TLCD4: variants seen among roughly 807,000 people sequenced by gnomAD.
TLCD4 encodes the protein TLC domain containing 4.
A neutral mutation model predicts 24.2 loss-of-function variants in TLCD4; 7 were observed. The observed-to-expected ratio is 0.29, with a 90% confidence interval of 0.16 to 0.54. TLCD4 has a LOEUF of 0.54. Among genes scored for constraint, TLCD4 ranks in the 20% least tolerant of loss-of-function variants. The pLI is 0.95. For synonymous variants in TLCD4, 103 were observed against 106.4 expected, an observed-to-expected ratio of 0.97 and a Z score of 0.20; for missense variants, 259 against 313.9, an observed-to-expected ratio of 0.82 and a Z score of 1.32.
At chr1:95,138,578 C>T (rs1677109271) in intron 1 of TLCD4, 1 of 152,150 alleles carries the variant, frequency 6.6e-6, no homozygotes, top group Non-Finnish European at 1.5e-5. Flanking sequence ...ATGACATAAC[C>T]TGTTGCTCCT....
intron 5 of TLCD4, among the ~76,000 whole-genome samples, chr1:95,161,035 A>T (rs983565069): frequency 1.3e-5 from 2 of 152,116 alleles, no homozygotes; most frequent in African/African-American, 4.8e-5. Context: ...GTTAGAGAGG[A>T]TTCCCTCTTT....
chr1:95,135,676 G>T (rs1677022333), intron 1 of TLCD4, among the ~76,000 whole-genome samples: 1 of 152,022 alleles, frequency 6.6e-6, no homozygotes. Flanking sequence ...GAGATTACAG[G>T]TGTGAGCTAC....
At chr1:95,162,041 A>G (rs1414297086) in intron 5 of TLCD4, among the ~76,000 whole-genome samples, 1 of 152,096 alleles carries the variant, frequency 6.6e-6, no homozygotes, top group Admixed American at 6.6e-5. Context: ...GCTGAGTTCA[A>G]TTCCTGGATA....
Position 95,133,021 on chromosome 1 carries a change from A to G in TLCD4, c.-11-10870A>G, listed in dbSNP as rs78760470. On this transcript the variant is annotated intron_variant, in intron 1 of 6. Coordinates refer to ENST00000370203, the MANE Select transcript of TLCD4 (RefSeq NM_152487.3). The stretch of plus-strand genomic sequence containing the variant: ...CAGATGAGAAATGATGACAGAATAC[A>G]GGCAAATATTTCTAGAACTTTGTCT... 2.2e-3 allele frequency among the ~76,000 whole-genome samples: 342 copies of G among 152,354 alleles called. 3 individuals are homozygous for G. In the East Asian group the frequency reaches 0.042, roughly 19 times the overall value.
At chr1:95,144,329 A>C (rs1333383292) in intron 2 of TLCD4, among the ~76,000 whole-genome samples, 1 of 152,202 alleles carries the variant, frequency 6.6e-6, no homozygotes, top group Non-Finnish European at 1.5e-5. Flanking sequence ...GAATACTAGT[A>C]CTTTCGTGTT....
chr1:95,167,887 T>C (rs1231354293), intron 5 of TLCD4, among the ~76,000 whole-genome samples: 1 of 152,204 alleles, frequency 6.6e-6, no homozygotes, highest in Non-Finnish European at 1.5e-5. Flanking sequence ...CTTCCAGAGC[T>C]CAGGGTCTTT....
At position 95,151,264 on chromosome 1, in the gene TLCD4, A is replaced by G. The variant is rs930710985; in HGVS notation, c.305-61A>G. The stretch of plus-strand genomic sequence containing the variant: ...GTTGGCAGGAGAAAGAGTTCAATAC[A>G]TTTGAAAAACAGTGCAACTTTCTTC... On this transcript the variant is annotated intron_variant, in intron 4 of 6. Coordinates refer to ENST00000370203, the MANE Select transcript of TLCD4 (RefSeq NM_152487.3). 38 of 1,558,580 alleles carry G rather than the reference A, an allele frequency of 2.4e-5. No individual in the cohort carries two copies. The African/African-American group carries it at 4.6e-4, about 19-fold the overall frequency.
chr1:95,104,374 C>A, the TLCD4 span, among the ~76,000 whole-genome samples: 1 of 152,004 alleles, frequency 6.6e-6, no homozygotes, highest in East Asian at 1.9e-4. Context: ...GTCAAAAATG[C>A]GTTTAACGGG....
chr1:95,157,320 T>C (rs1677660448), intron 5 of TLCD4, among the ~76,000 whole-genome samples: 1 of 152,226 alleles, frequency 6.6e-6, no homozygotes, highest in African/African-American at 2.4e-5. Context: ...ATAATATGTA[T>C]ATTACAAAAA....
intron 5 of TLCD4, among the ~76,000 whole-genome samples, chr1:95,155,404 T>C (rs1677604068): frequency 6.6e-6 from 1 of 152,136 alleles, no homozygotes; most frequent in Admixed American, 6.5e-5. Context: ...ATAAATAACT[T>C]GTGAGTTTTG....
chr1:95,150,098 T>C, intron 3 of TLCD4, 110 bp from the exon 4 acceptor site: 1 of 1,380,896 alleles, frequency 7.2e-7, no homozygotes, highest in Non-Finnish European at 9.7e-7. Flanking sequence ...AGCTTACCAT[T>C]TGAGAATCTA....
At chr1:95,144,618 G>A (rs1677298749) in intron 2 of TLCD4, among the ~76,000 whole-genome samples, 1 of 151,448 alleles carries the variant, frequency 6.6e-6, no homozygotes, top group Non-Finnish European at 1.5e-5. Context: ...AAACAGAAAA[G>A]TAAATGGAGA....
chr1:95,115,570 T>C (rs751552602), upstream of TLCD4, among the ~76,000 whole-genome samples: 7 of 152,248 alleles, frequency 4.6e-5, no homozygotes, highest in Non-Finnish European at 8.8e-5. Context: ...TCAGGCCTTG[T>C]CCTTGATATA....
At chr1:95,151,200 A>T (rs1203889887) in intron 4 of TLCD4, 125 bp from the exon 5 acceptor site, 9 of 919,358 alleles carry the variant, frequency 9.8e-6, no homozygotes, top group Non-Finnish European at 1.5e-5. Flanking sequence ...TAACTGAGGG[A>T]TGAACAAAGT....
At chr1:95,106,886 T>G in the TLCD4 span, among the ~76,000 whole-genome samples, 1 of 152,226 alleles carries the variant, frequency 6.6e-6, no homozygotes, top group Non-Finnish European at 1.5e-5. Context: ...GAGATCTGAA[T>G]GCAGCATATG....
chr1:95,179,740 G>T (rs537416588), intron 6 of TLCD4, among the ~76,000 whole-genome samples: 3 of 152,246 alleles, frequency 2.0e-5, no homozygotes, highest in African/African-American at 7.2e-5. Context: ...GAGCTCTTCA[G>T]TGTGACACAG....
the TLCD4 span, among the ~76,000 whole-genome samples, chr1:95,094,430 C>A: frequency 6.6e-6 from 1 of 152,084 alleles, no homozygotes; most frequent in African/African-American, 2.4e-5. Flanking sequence ...GGCTGGCTAG[C>A]CTCTTTGAGG....
chr1:95,186,387 G>A (rs1445534362), intron 6 of TLCD4, among the ~76,000 whole-genome samples: 1 of 152,208 alleles, frequency 6.6e-6, no homozygotes, highest in African/African-American at 2.4e-5. Context: ...CAGAGTGGGT[G>A]AGATAGATGA....
rs1283518706 is a variant in TLCD4 at position 95,194,711 on chromosome 1, T to C, written c.*2843T>C. 1 of 152,110 alleles carries C rather than the reference T, an allele frequency of 6.6e-6. No individual in the cohort carries two copies. The highest frequency in any genetic ancestry group is 2.4e-5 in the African/African-American group (1 of 41,438). 9.4% of individuals were successfully genotyped at this position (152,110 alleles called of 1,614,324 possible). ...GTTCTTGTGAAACTTAAAAAATGAA[T>C]GAAAACCAACTAATAGCATGCAAGA... On this transcript the variant is annotated 3_prime_UTR_variant, in exon 7 of 7. Coordinates refer to ENST00000370203, the MANE Select transcript of TLCD4 (RefSeq NM_152487.3).
Sources: allele counts gnomAD v4.1 joint callset (sites outside exome capture counted in the v4.1 genomes callset), GRCh38; gene constraint gnomAD v4.1.1; transcripts MANE v1.5; gene names NCBI Gene and HGNC (gene_info 2026-07-23, HGNC 2026-07-21).